The following GALNT13 variants were observed in gnomAD, a reference collection of about 807,000 sequenced individuals.
GALNT13 encodes the protein UDP-GalNAc:polypeptide N-acetylgalactosaminyltransferase 13.
In GALNT13, 28 loss-of-function variants were observed where a neutral mutation model predicts 64.2. That is an observed-to-expected ratio of 0.44 (90% confidence interval 0.32 to 0.60). GALNT13 has a LOEUF of 0.60. GALNT13 is among the 20% of genes least tolerant of loss of function. The pLI, the probability that GALNT13 is intolerant of heterozygous loss-of-function variation, is 0.05. For missense variants in GALNT13, 577 were observed against 669.8 expected (o/e 0.86, Z 1.53); for synonymous variants, 214 against 224.6 (o/e 0.95, Z 0.42).
chr2:153,917,759 C>T (rs549043139), intron 2 of GALNT13, among the ~76,000 whole-genome samples: 111 of 152,144 alleles, frequency 7.3e-4, no homozygotes, highest in African/African-American at 2.7e-3. Context: ...CAACCTTAGT[C>T]AGTATGAGAG....
At chr2:154,264,975 A>G (rs1559056231) in intron 8 of GALNT13, among the ~76,000 whole-genome samples, 1 of 149,674 alleles carries the variant, frequency 6.7e-6, no homozygotes, top group African/African-American at 2.5e-5. Context: ...TATGATAAAA[A>G]AAAATATATA....
chr2:154,207,672 G>A (rs2105792603), intron 4 of GALNT13, among the ~76,000 whole-genome samples: 1 of 152,048 alleles, frequency 6.6e-6, no homozygotes, highest in East Asian at 1.9e-4. Flanking sequence ...ATTATATTTA[G>A]GATCCCAGGA....
chr2:153,318,316 T>A, the GALNT13 span, among the ~76,000 whole-genome samples: 10 of 152,138 alleles, frequency 6.6e-5, no homozygotes, highest in African/African-American at 1.9e-4. Flanking sequence ...GTGGAACAGA[T>A]CTAAGCCAAT....
chr2:153,410,876 G>C, the GALNT13 span, among the ~76,000 whole-genome samples: 1 of 149,940 alleles, frequency 6.7e-6, no homozygotes, highest in Non-Finnish European at 1.5e-5. Context: ...TATATATTTA[G>C]AGAGAGAGAG....
the GALNT13 span, among the ~76,000 whole-genome samples, chr2:153,234,342 CA>C: frequency 6.6e-6 from 1 of 152,072 alleles, no homozygotes; most frequent in Non-Finnish European, 1.5e-5. Context: ...AAGTAATGAT[CA>C]AAACTAGGCT....
At chr2:153,242,249 T>A in the GALNT13 span, among the ~76,000 whole-genome samples, 1 of 152,182 alleles carries the variant, frequency 6.6e-6, no homozygotes, top group African/African-American at 2.4e-5. Flanking sequence ...CTATTCTGGC[T>A]TATTATTTGT....
chr2:153,300,964 G>A, the GALNT13 span, among the ~76,000 whole-genome samples: 22,973 of 152,088 alleles, frequency 0.15, 2,198 homozygotes, highest in Non-Finnish European at 0.22. Context: ...AGCACTTTGG[G>A]AAGCCAAGGT....
intron 4 of GALNT13, among the ~76,000 whole-genome samples, chr2:154,232,117 A>G (rs981937836): frequency 2.0e-5 from 3 of 152,094 alleles, no homozygotes; most frequent in Admixed American, 1.3e-4. Flanking sequence ...CTCAGATAAC[A>G]TTCCAATTAT....
At chr2:153,944,873 A>G (rs944795427) in intron 3 of GALNT13, among the ~76,000 whole-genome samples, 7 of 152,184 alleles carry the variant, frequency 4.6e-5, no homozygotes, top group African/African-American at 1.2e-4. Flanking sequence ...CGTTCAACCT[A>G]ATAAATTCTG....
chr2:153,178,696 C>T, the GALNT13 span, among the ~76,000 whole-genome samples: 119 of 142,036 alleles, frequency 8.4e-4, no homozygotes, highest in Admixed American at 1.7e-3. Flanking sequence ...TGTACAGAAG[C>T]TTTTTAGTTT....
chr2:153,777,962 G>A, the GALNT13 span, among the ~76,000 whole-genome samples: 1 of 152,158 alleles, frequency 6.6e-6, no homozygotes, highest in East Asian at 1.9e-4. Flanking sequence ...ATGAGTGCAA[G>A]GTTTTATTGA....
chr2:154,063,233 C>T (rs992284111), intron 3 of GALNT13, among the ~76,000 whole-genome samples: 5 of 152,088 alleles, frequency 3.3e-5, no homozygotes, highest in African/African-American at 9.7e-5. Flanking sequence ...TTTGATCCTG[C>T]ATACCATCAA....
chr2:153,911,374 T>G (rs999875144), intron 2 of GALNT13, among the ~76,000 whole-genome samples: 4 of 152,190 alleles, frequency 2.6e-5, no homozygotes, highest in African/African-American at 9.6e-5. Context: ...CTTGCCACTC[T>G]GTGTCTTTTA....
the GALNT13 span, among the ~76,000 whole-genome samples, chr2:153,269,326 T>A: frequency 3.9e-5 from 6 of 152,198 alleles, no homozygotes; most frequent in Non-Finnish European, 2.9e-5. Flanking sequence ...CTCTCTCAGA[T>A]TCAAAGACAG....
intron 2 of GALNT13, among the ~76,000 whole-genome samples, chr2:153,914,863 T>C (rs1689223322): frequency 6.6e-6 from 1 of 152,146 alleles, no homozygotes; most frequent in African/African-American, 2.4e-5. Context: ...TGGACAATCC[T>C]CCAGTGGTAA....
At chr2:154,280,450 A>G (rs1398956342) in intron 8 of GALNT13, among the ~76,000 whole-genome samples, 3 of 152,178 alleles carry the variant, frequency 2.0e-5, no homozygotes, top group South Asian at 2.1e-4. Flanking sequence ...AGGTTGTCCT[A>G]TTTCCTCAAA....
chr2:154,051,418 G>A (rs1699608721), intron 3 of GALNT13, among the ~76,000 whole-genome samples: 1 of 150,756 alleles, frequency 6.6e-6, no homozygotes, highest in Non-Finnish European at 1.5e-5. Context: ...AGCCTCCCGA[G>A]TAGCTGGGAC....
chr2:154,184,461 AT>A (rs1400164051), intron 4 of GALNT13, among the ~76,000 whole-genome samples: 2 of 150,876 alleles, frequency 1.3e-5, no homozygotes, highest in African/African-American at 2.4e-5. Context: ...TTCCTTTGTT[AT>A]TTTTTTCCTA....
intron 3 of GALNT13, among the ~76,000 whole-genome samples, chr2:154,072,777 A>C (rs2105393675): frequency 6.6e-6 from 1 of 152,182 alleles, no homozygotes; most frequent in Non-Finnish European, 1.5e-5. Context: ...TCTGCTACCA[A>C]GTTTGCTATT....
Sources: gnomAD v4.1 joint callset for allele counts (sites outside exome capture counted in the v4.1 genomes callset) on GRCh38, gnomAD v4.1.1 for gene constraint, MANE v1.5 for transcripts, NCBI Gene and HGNC (gene_info 2026-07-23, HGNC 2026-07-21) for gene names.